The following CRX variants were observed in gnomAD, a reference collection of about 807,000 sequenced individuals.
The protein encoded by CRX is cone-rod homeobox.
CRX carries 5 observed loss-of-function variants against 13.1 expected under a neutral mutation model. The ratio of observed to expected loss-of-function variants is 0.38; its 90% CI spans 0.20 to 0.80. CRX has a LOEUF of 0.80. Ranked by LOEUF, CRX falls within the 30% of genes least tolerant of loss-of-function variation. The pLI is 0.43. For missense variants in CRX, 351 were observed against 391.8 expected, an observed-to-expected ratio of 0.90 and a Z score of 0.88; for synonymous variants, 179 against 171.1, an observed-to-expected ratio of 1.05 and a Z score of -0.36.
intron 2 of CRX, 112 bp downstream of exon 2, chr19:47,834,655 T>G: frequency 2.6e-6 from 2 of 776,594 alleles, no homozygotes; most frequent in South Asian, 1.5e-5. Context: ...TTCAGGGCCA[T>G]ACACCAGCCC....
In CRX at chr19:47,839,293, A is replaced by T; in HGVS notation, c.253-27A>T. 6.2e-7 allele frequency: 1 copy of T among 1,603,994 alleles called. No homozygotes were observed. Among genetic ancestry groups the T allele is most frequent in the Non-Finnish European group, 8.5e-7 (1 of 1,175,998 alleles). ...TCCTGGGCCTCTTCCCCACTTACCCACCCCCATCTCCGCTCTTATCCCCCA... is the reference window on the plus strand; with the variant it reads ...TCCTGGGCCTCTTCCCCACTTACCCTCCCCCATCTCCGCTCTTATCCCCCA... On this transcript the variant is annotated intron_variant, in intron 3 of 3. Transcript: ENST00000221996. The surrounding 1 kb of genome is among the most constrained non-coding windows in gnomAD (Gnocchi z 4.6).
chr19:47,830,168 G>A (rs1033381075), intron 1 of CRX, among the ~76,000 whole-genome samples: 6 of 152,032 alleles, frequency 3.9e-5, no homozygotes, highest in African/African-American at 1.4e-4. Context: ...ATTTGGCCAG[G>A]TGTGGTGGCT....
At chr19:47,836,035 C>T (rs1968113274) in intron 2 of CRX, among the ~76,000 whole-genome samples, 1 of 152,200 alleles carries the variant, frequency 6.6e-6, no homozygotes, top group Non-Finnish European at 1.5e-5. Context: ...ACTCGCACAC[C>T]TCCTTGTTGA....
rs1459510762 is a variant in CRX, at chr19:47,840,988, A to C, written c.*1021A>C. ...CTCGGCCTCCCAAAGTGCTGGGATT[A>C]CAGGCATGAGCCATTGTGCCTGGCC... On this transcript the variant is annotated 3_prime_UTR_variant, in exon 4 of 4. Coordinates refer to ENST00000221996, the MANE Select transcript of CRX (RefSeq NM_000554.6). 1 of 152,344 alleles carries C rather than the reference A, an allele frequency of 6.6e-6. No homozygotes were observed. The highest frequency in any genetic ancestry group is 1.5e-5 in the Non-Finnish European group (1 of 68,194). The allele number at this position is 152,344 out of a possible 1,614,324, so 9.4% of individuals were successfully genotyped here. A position where few individuals can be genotyped will look rare whatever the true frequency, so the allele number is the denominator to read the frequency against.
At chr19:47,833,097 C>T (rs892726306) in intron 1 of CRX, among the ~76,000 whole-genome samples, 12 of 132,160 alleles carry the variant, frequency 9.1e-5, no homozygotes, top group Non-Finnish European at 1.6e-4. Context: ...TGGGGGGTCT[C>T]ACTATTTCTT....
chr19:47,832,942 A>C (rs11880235), intron 1 of CRX, among the ~76,000 whole-genome samples: 3,837 of 151,238 alleles, frequency 0.025, 176 homozygotes, highest in African/African-American at 0.085. Flanking sequence ...GCCTTTCCCC[A>C]CACTGACACC....
chr19:47,839,282 C>G lies in CRX; in HGVS notation c.253-38C>G. On this transcript the variant is annotated intron_variant, in intron 3 of 3. Coordinates refer to ENST00000221996, the MANE Select transcript of CRX (RefSeq NM_000554.6). The surrounding 1 kb of genome is among the most constrained non-coding windows in gnomAD (Gnocchi z 4.6). The stretch of plus-strand genomic sequence containing the variant: ...CCCTGCGGCTCTCCTGGGCCTCTTC[C>G]CCACTTACCCACCCCCATCTCCGCT... 6.3e-7 allele frequency: 1 copy of G among 1,598,446 alleles called. No homozygotes were observed. Among genetic ancestry groups the G allele is most frequent in the Non-Finnish European group, 8.5e-7 (1 of 1,173,012 alleles).
rs1193377720 is a variant in CRX at position 47,839,683 on chromosome 19, T to C, written c.616T>C (p.Ser206Pro). ...GGCCTCCGCTTTCTGCTCTTCCCCCTCCGCCTATGGGTCTCCGAGCTCCTA... is the reference window on the plus strand; with the variant it reads ...GGCCTCCGCTTTCTGCTCTTCCCCCCCCGCCTATGGGTCTCCGAGCTCCTA... ...APASAFCSSPSAYGSPSSYFS... is the reference protein window; with the variant it reads ...APASAFCSSPPAYGSPSSYFS... The change falls in exon 4 of 4, where the codon TCC becomes CCC. Residue 206 changes from serine (S) to proline (P), a missense_variant. By Grantham distance (74) the Ser-to-Pro change is moderately conservative. Transcript: ENST00000221996. The surrounding 1 kb of genome is among the most constrained non-coding windows in gnomAD (Gnocchi z 4.6). 3 of 1,613,710 alleles carry C rather than the reference T, an allele frequency of 1.9e-6. No individual in the cohort carries two copies. The East Asian group carries it at 6.7e-5, about 36-fold the overall frequency.
At chr19:47,822,442 G>A (rs1447810065) in intron 1 of CRX, among the ~76,000 whole-genome samples, 1 of 152,202 alleles carries the variant, frequency 6.6e-6, no homozygotes, top group Admixed American at 6.5e-5. Context: ...TCCCTCCCTT[G>A]TTGAGCACTG....
chr19:47,843,123 C>T lies in CRX; in HGVS notation c.*3156C>T, dbSNP rs1320423111. ...GCTGGGCTCCTGAGTGTTGGTTCTT[C>T]CAGCTGTGCACAGGGGATTTCAAAC... On this transcript the variant is annotated 3_prime_UTR_variant, in exon 4 of 4. Coordinates refer to ENST00000221996, the MANE Select transcript of CRX (RefSeq NM_000554.6). 1 of 152,210 alleles carries T rather than the reference C, an allele frequency of 6.6e-6. No homozygotes were observed. The highest frequency in any genetic ancestry group is 6.6e-5 in the Admixed American group (1 of 15,248). The allele number at this position is 152,210 out of a possible 1,614,324, so 9.4% of individuals were successfully genotyped here.
At chr19:47,838,407 TG>T (rs746967615) in intron 3 of CRX, among the ~76,000 whole-genome samples, 7 of 152,174 alleles carry the variant, frequency 4.6e-5, no homozygotes, top group Non-Finnish European at 1.0e-4. Context: ...CATGATTGTA[TG>T]TATGGATTAA....
At chr19:47,828,753 G>T (rs1968007435) in intron 1 of CRX, among the ~76,000 whole-genome samples, 2 of 151,884 alleles carry the variant, frequency 1.3e-5, no homozygotes. Flanking sequence ...CCTAGCCCAG[G>T]AAACGGCTTA....
At chr19:47,823,092 A>G (rs1409840564) in intron 1 of CRX, among the ~76,000 whole-genome samples, 1 of 152,064 alleles carries the variant, frequency 6.6e-6, no homozygotes, top group Non-Finnish European at 1.5e-5. Context: ...CTCTGCGCCC[A>G]GCCGGTCTCC....
At chr19:47,831,335 A>G (rs1478563081) in intron 1 of CRX, among the ~76,000 whole-genome samples, 1 of 149,758 alleles carries the variant, frequency 6.7e-6, no homozygotes, top group Non-Finnish European at 1.5e-5. Context: ...AAAGAATAGT[A>G]AATCAAATAC....
intron 1 of CRX, among the ~76,000 whole-genome samples, chr19:47,831,083 C>T (rs936206631): frequency 1.3e-4 from 20 of 151,464 alleles, no homozygotes; most frequent in South Asian, 2.1e-4. Context: ...CCGAGGCAGG[C>T]GGATCACGAG....
intron 3 of CRX, 25 bp downstream of exon 3, chr19:47,836,419 C>T (rs1968118834): frequency 1.2e-6 from 2 of 1,613,916 alleles, no homozygotes; most frequent in Non-Finnish European, 1.7e-6. Context: ...CCCTGGACCC[C>T]TCCCGACACT....
At chr19:47,825,221 G>C (rs138393852) in intron 1 of CRX, among the ~76,000 whole-genome samples, 20 of 151,968 alleles carry the variant, frequency 1.3e-4, no homozygotes, top group African/African-American at 4.8e-4. Flanking sequence ...CAAGTGATCC[G>C]CCTGCTTCAG....
intron 1 of CRX, 89 bp from the exon 2 acceptor site, chr19:47,834,320 G>C (rs1411054117): frequency 2.6e-5 from 20 of 779,040 alleles, no homozygotes; most frequent in Admixed American, 3.7e-5. Flanking sequence ...CCTAAGAGGA[G>C]AAGGAGGCAG....
chr19:47,840,333 C>A lies in CRX; in HGVS notation c.*366C>A. On this transcript the variant is annotated 3_prime_UTR_variant, in exon 4 of 4. Coordinates refer to ENST00000221996, the MANE Select transcript of CRX (RefSeq NM_000554.6). Reference sequence around the variant, plus strand: ...GGGGTCATGTTTAGGTCAGAATCACCGTGCCCTTGAACAAGCAGGTAGGGG... The same window carrying A: ...GGGGTCATGTTTAGGTCAGAATCACAGTGCCCTTGAACAAGCAGGTAGGGG... 1 of 266,942 alleles carries A rather than the reference C, an allele frequency of 3.7e-6. No homozygotes were observed. Among genetic ancestry groups the A allele is most frequent in the South Asian group, 4.8e-5 (1 of 20,820 alleles). The allele number at this position is 266,942 out of a possible 1,614,324, so 16.5% of individuals were successfully genotyped here.
Sources: allele counts gnomAD v4.1 joint callset (sites outside exome capture counted in the v4.1 genomes callset), GRCh38; gene constraint gnomAD v4.1.1; non-coding constraint Gnocchi (gnomAD v3.1); transcripts MANE v1.5; gene names NCBI Gene and HGNC (gene_info 2026-07-23, HGNC 2026-07-21).